LRBA: variants seen among roughly 807,000 people sequenced by gnomAD.
LRBA encodes LPS responsive beige-like anchor protein, also known as lipopolysaccharide-responsive and beige-like anchor protein.
In LRBA, 176 loss-of-function variants were observed where a neutral mutation model predicts 330.0. The observed-to-expected ratio is 0.53, with a 90% CI of 0.47 to 0.60. The LOEUF is 0.60. Among genes scored for constraint, LRBA ranks in the 20% least tolerant of loss-of-function variants. LRBA has a pLI of 0.00. For missense variants in LRBA, 3,259 were observed against 3,444.8 expected, an observed-to-expected ratio of 0.95 and a Z score of 1.35; for synonymous variants, 1,230 against 1,193.0, an observed-to-expected ratio of 1.03 and a Z score of -0.64.
chr4:150,531,024 G>A (rs150343014), intron 40 of LRBA, among the ~76,000 whole-genome samples: 1 of 152,058 alleles, frequency 6.6e-6, no homozygotes, highest in South Asian at 2.1e-4. Flanking sequence ...ATTTTACCCA[G>A]TGTTATTTCC....
At chr4:150,966,278 A>T (rs2149576816) in intron 2 of LRBA, among the ~76,000 whole-genome samples, 1 of 151,802 alleles carries the variant, frequency 6.6e-6, no homozygotes, top group Admixed American at 6.6e-5. Context: ...TAAGTGCTAC[A>T]TCTTACTGCT....
chr4:150,715,357 G>A (rs936988036), intron 36 of LRBA, among the ~76,000 whole-genome samples: 11 of 152,148 alleles, frequency 7.2e-5, no homozygotes, highest in Non-Finnish European at 1.5e-4. Flanking sequence ...CTGAACAGTT[G>A]AGAGATGGCA....
At chr4:150,302,833 A>G (rs899287975) in intron 52 of LRBA, 41 bp from the exon 53 acceptor site, 17 of 1,480,128 alleles carry the variant, frequency 1.1e-5, no homozygotes, top group Non-Finnish European at 1.5e-5. Flanking sequence ...GCTATTAAAA[A>G]AATAAAAATT....
chr4:150,674,447 C>T (rs1158501850), intron 37 of LRBA, among the ~76,000 whole-genome samples: 3 of 151,480 alleles, frequency 2.0e-5, no homozygotes, highest in Non-Finnish European at 4.4e-5. Context: ...TCTGAACCTT[C>T]ATTTATTCCA....
chr4:150,592,961 A>G (rs1773075832), intron 38 of LRBA, among the ~76,000 whole-genome samples: 1 of 152,144 alleles, frequency 6.6e-6, no homozygotes, highest in Non-Finnish European at 1.5e-5. Flanking sequence ...CTAAAAAGAA[A>G]TATACTTACA....
Position 150,415,588 on chromosome 4 carries a change from C to T in LRBA, c.7044G>A (p.Glu2348=). ...NSQRDTSDIK[E]LIPEFYYLPE... The stretch of plus-strand genomic sequence containing the variant: ...GGAGATAATAAAATTCAGGGATCAA[C>T]TCCTATATAAAAATAAAAGACAATG... The change falls in exon 47 of 57, where the codon GAG becomes GAA. Residue 2348 remains glutamate, a splice_region_variant and synonymous_variant. Coordinates refer to ENST00000651943, the MANE Select transcript of LRBA (RefSeq NM_001364905.1). 1.3e-6 allele frequency: 2 copies of T among 1,544,910 alleles called. No homozygotes were observed. The highest frequency in any genetic ancestry group is 1.7e-5 in the Admixed American group (1 of 59,248).
At chr4:150,370,662 CTT>C (rs1418621305) in intron 47 of LRBA, among the ~76,000 whole-genome samples, 1 of 152,092 alleles carries the variant, frequency 6.6e-6, no homozygotes, top group African/African-American at 2.4e-5. Flanking sequence ...AAACCAAAGA[CTT>C]TAGTTAATAA....
intron 37 of LRBA, among the ~76,000 whole-genome samples, chr4:150,615,761 T>C (rs553412377): frequency 6.6e-6 from 1 of 152,274 alleles, no homozygotes; most frequent in East Asian, 1.9e-4. Flanking sequence ...GGCACACAAC[T>C]AGACCATATT....
intron 39 of LRBA, 139 bp from the exon 40 acceptor site, chr4:150,588,323 T>A (rs1427790594): frequency 2.7e-6 from 2 of 737,198 alleles, no homozygotes; most frequent in East Asian, 6.0e-5. Context: ...CAGTTAAATA[T>A]TCTGTCCACC....
chr4:150,617,627 A>C (rs1339391032), intron 37 of LRBA, among the ~76,000 whole-genome samples: 2 of 152,156 alleles, frequency 1.3e-5, no homozygotes, highest in Non-Finnish European at 2.9e-5. Context: ...GGGCAACAAG[A>C]ATGAGACTTC....
chr4:150,447,191 TG>T, intron 44 of LRBA, among the ~76,000 whole-genome samples: 1 of 152,280 alleles, frequency 6.6e-6, no homozygotes, highest in South Asian at 2.1e-4. Context: ...AATAACCTCA[TG>T]TAACACAAAT....
At chr4:150,977,184 G>A (rs760059336) in intron 2 of LRBA, among the ~76,000 whole-genome samples, 1 of 152,192 alleles carries the variant, frequency 6.6e-6, no homozygotes, top group Non-Finnish European at 1.5e-5. Flanking sequence ...CCCTGGCAGC[G>A]CAGCTTGCAA....
At chr4:150,295,134 CTAACAGTGGGGA>C (rs1473451664) in intron 53 of LRBA, among the ~76,000 whole-genome samples, 1 of 150,722 alleles carries the variant, frequency 6.6e-6, no homozygotes, top group Non-Finnish European at 1.5e-5. Context: ...AGCCTAGAGG[CTAACAGTGGGGA>C]GTGAAGGTAC....
chr4:150,420,196 A>C (rs2151961073), intron 46 of LRBA, among the ~76,000 whole-genome samples: 1 of 149,786 alleles, frequency 6.7e-6, no homozygotes, highest in East Asian at 1.9e-4. Context: ...TGTTCACACT[A>C]CTGCACTCCA....
At chr4:150,649,610 A>G (rs1182440970) in intron 37 of LRBA, among the ~76,000 whole-genome samples, 1 of 152,132 alleles carries the variant, frequency 6.6e-6, no homozygotes, top group Non-Finnish European at 1.5e-5. Flanking sequence ...TACCTTTTTT[A>G]TGTCACCTTT....
chr4:150,783,478 T>C (rs1738568834), intron 34 of LRBA, among the ~76,000 whole-genome samples: 1 of 152,204 alleles, frequency 6.6e-6, no homozygotes, highest in Admixed American at 6.5e-5. Flanking sequence ...TTTTGTAGTA[T>C]CTGATACACT....
chr4:150,495,700 C>T lies in LRBA; in HGVS notation c.6331-4665G>A, dbSNP rs559195385. Among the ~76,000 whole-genome samples, 4 of 152,280 alleles carry T rather than the reference C, an allele frequency of 2.6e-5. No homozygotes were observed. In the South Asian group the frequency reaches 8.3e-4, roughly 32 times the overall value. ...GGTCTGAGGCTTCACTTCAAAGTCTCTAGAGTTCAATTAAAACTGGATTAG... is the reference window on the plus strand; with the variant it reads ...GGTCTGAGGCTTCACTTCAAAGTCTTTAGAGTTCAATTAAAACTGGATTAG... On this transcript the variant is annotated intron_variant, in intron 40 of 56. Transcript: ENST00000651943.
At chr4:150,660,387 T>C (rs1215830582) in intron 37 of LRBA, among the ~76,000 whole-genome samples, 1 of 127,284 alleles carries the variant, frequency 7.9e-6, no homozygotes, top group Non-Finnish European at 1.7e-5. Flanking sequence ...AGTGGCCCCG[T>C]CCGGGAGGTG....
intron 11 of LRBA, 40 bp from the exon 12 acceptor site, chr4:150,906,445 T>A: frequency 8.8e-7 from 1 of 1,136,838 alleles, no homozygotes; most frequent in Non-Finnish European, 1.3e-6. Flanking sequence ...AAAAACATAT[T>A]CTATTTTTTT....
Sources: allele counts gnomAD v4.1 joint callset (sites outside exome capture counted in the v4.1 genomes callset), GRCh38; gene constraint gnomAD v4.1.1; transcripts MANE v1.5; gene names NCBI Gene and HGNC (gene_info 2026-07-23, HGNC 2026-07-21).